SUPT3H: variants seen among roughly 807,000 people sequenced by gnomAD.
The protein encoded by SUPT3H is transcription initiation protein SPT3 homolog.
SUPT3H carries 44 observed loss-of-function variants against 44.3 expected under a neutral mutation model. That is an observed-to-expected ratio of 0.99 (90% CI 0.78 to 1.28). The LOEUF is 1.28. SUPT3H is among the 50% of genes most tolerant of loss of function. SUPT3H has a pLI of 0.00. For missense variants in SUPT3H, 380 were observed against 387.1 expected, an observed-to-expected ratio of 0.98 and a Z score of 0.15; for synonymous variants, 124 against 125.6, an observed-to-expected ratio of 0.99 and a Z score of 0.09.
At chr6:44,993,302 A>G (rs1254423012) in intron 6 of SUPT3H, among the ~76,000 whole-genome samples, 1 of 152,154 alleles carries the variant, frequency 6.6e-6, no homozygotes, top group African/African-American at 2.4e-5. Flanking sequence ...GGTTAAGAAA[A>G]GCATAAAAAG....
chr6:44,872,206 C>G (rs2153430506), intron 10 of SUPT3H, among the ~76,000 whole-genome samples: 1 of 18,594 alleles, frequency 5.4e-5, no homozygotes, highest in Non-Finnish European at 1.2e-4. Context: ...TCAGATTCAC[C>G]AAAGTTGAAA....
chr6:45,057,920 T>G (rs1403322513), intron 3 of SUPT3H, among the ~76,000 whole-genome samples: 1 of 152,036 alleles, frequency 6.6e-6, no homozygotes, highest in Non-Finnish European at 1.5e-5. Context: ...CAAAGGCAGT[T>G]CCAGAGAGAA....
intron 2 of SUPT3H, among the ~76,000 whole-genome samples, chr6:45,272,722 G>A (rs1271826498): frequency 6.6e-6 from 1 of 152,202 alleles, no homozygotes; most frequent in Non-Finnish European, 1.5e-5. Context: ...TCCTGGTGGA[G>A]AAGGATTCTA....
At chr6:44,883,478 T>C (rs765103750) in intron 10 of SUPT3H, among the ~76,000 whole-genome samples, 1 of 152,126 alleles carries the variant, frequency 6.6e-6, no homozygotes, top group Non-Finnish European at 1.5e-5. Flanking sequence ...TTTGATGCTG[T>C]CCCCAATCAA....
intron 2 of SUPT3H, among the ~76,000 whole-genome samples, chr6:45,176,803 A>G (rs2153610534): frequency 6.6e-6 from 1 of 152,322 alleles, no homozygotes. Flanking sequence ...AGGCACCCCC[A>G]GCAGGGGCAG....
intron 10 of SUPT3H, among the ~76,000 whole-genome samples, chr6:44,896,534 G>C (rs1371789322): frequency 2.0e-5 from 3 of 152,080 alleles, no homozygotes; most frequent in Admixed American, 6.6e-5. Context: ...TCAATAATCT[G>C]GTTAGTGATG....
chr6:44,976,722 C>T (rs1778395435), intron 6 of SUPT3H, among the ~76,000 whole-genome samples: 1 of 152,096 alleles, frequency 6.6e-6, no homozygotes, highest in Non-Finnish European at 1.5e-5. Flanking sequence ...TTTTTAAAAA[C>T]AGAAATAATC....
intron 2 of SUPT3H, among the ~76,000 whole-genome samples, chr6:45,265,463 AT>A (rs1227251072): frequency 2.0e-5 from 3 of 152,134 alleles, no homozygotes; most frequent in Non-Finnish European, 4.4e-5. Context: ...TAGGTCTTAA[AT>A]AACTTTCAAA....
At chr6:45,233,921 T>C (rs774110598) in intron 2 of SUPT3H, among the ~76,000 whole-genome samples, 2 of 152,196 alleles carry the variant, frequency 1.3e-5, no homozygotes, top group Non-Finnish European at 2.9e-5. Flanking sequence ...ATGTCCTTTA[T>C]TGGGATAATA....
rs568622275 is a variant in SUPT3H, at chr6:44,850,133, A to G, written c.913-20276T>C. On this transcript the variant is annotated intron_variant, in intron 10 of 10. Coordinates refer to ENST00000371459, the MANE Select transcript of SUPT3H (RefSeq NM_003599.4). ...AGTTAATGGTAGAATAACTTCCAAG[A>G]AAAAGAATCAACAATTTTAAAATGC... Among the ~76,000 whole-genome samples the G allele has an allele frequency of 1.4e-4, 22 of 152,364 alleles. No individual in the cohort carries two copies. In the East Asian group the frequency reaches 4.1e-3, roughly 28 times the overall value.
rs772586078 is a variant in SUPT3H, at chr6:44,953,338, G to A, written c.773C>T (p.Thr258Ile). The A allele has an allele frequency of 1.2e-6, 2 of 1,614,040 alleles. No homozygotes were observed. The highest frequency in any genetic ancestry group is 1.1e-5 in the South Asian group (1 of 91,080). The part of the protein sequence containing the change: ...GDPFSHAISA[T>I]FIQYHNSAES... ...AGCAGAGTTGTGATACTGAATGAAG[G>A]TTGCAGAAATGGCATGGCTGAAGGG... The change falls in exon 9 of 11, where the codon ACC becomes ATC. Residue 258 changes from threonine (T) to isoleucine (I), a missense_variant. Transcript: ENST00000371459.
At chr6:45,253,664 G>A (rs1378840506) in intron 2 of SUPT3H, among the ~76,000 whole-genome samples, 1 of 151,542 alleles carries the variant, frequency 6.6e-6, no homozygotes, top group Admixed American at 6.6e-5. Flanking sequence ...GTGGTCACAC[G>A]TGCCTAGAGT....
At chr6:45,158,102 ATATAT>A (rs1414316783) in intron 2 of SUPT3H, among the ~76,000 whole-genome samples, 3 of 145,792 alleles carry the variant, frequency 2.1e-5, no homozygotes, top group Non-Finnish European at 4.5e-5. Context: ...ATATACTAAT[ATATAT>A]TATATAATTA....
At chr6:45,201,477 T>C (rs1474702986) in intron 2 of SUPT3H, among the ~76,000 whole-genome samples, 2 of 151,768 alleles carry the variant, frequency 1.3e-5, no homozygotes, top group Non-Finnish European at 3.0e-5. Flanking sequence ...TTTTTAAAAA[T>C]AAATTAATAT....
rs745697207 is a variant in SUPT3H, at chr6:45,095,554, T to C, written c.186+10368A>G. ...AGGAGAATTAGCTAAACATGATAAATTGGTTCTGATGTGAAAACTAGTGTA... is the reference window on the plus strand; with the variant it reads ...AGGAGAATTAGCTAAACATGATAAACTGGTTCTGATGTGAAAACTAGTGTA... On this transcript the variant is annotated intron_variant, in intron 3 of 10. Transcript: ENST00000371459. The surrounding 1 kb of genome is among the most constrained non-coding windows in gnomAD (Gnocchi z 4.1). Among the ~76,000 whole-genome samples the C allele has an allele frequency of 6.6e-6, 1 of 152,146 alleles. No individual in the cohort carries two copies. Among genetic ancestry groups the C allele is most frequent in the Non-Finnish European group, 1.5e-5 (1 of 68,000 alleles).
chr6:45,010,111 T>C (rs983861797), intron 5 of SUPT3H, among the ~76,000 whole-genome samples: 2 of 152,152 alleles, frequency 1.3e-5, no homozygotes, highest in African/African-American at 4.8e-5. Flanking sequence ...TAAATGGCAT[T>C]GTTTTCTTAA....
At chr6:44,953,158 A>G (rs1373710592) in intron 9 of SUPT3H, 152 bp downstream of exon 9, 53 of 609,854 alleles carry the variant, frequency 8.7e-5, no homozygotes, top group Non-Finnish European at 1.4e-4. Context: ...TAGGTGCTCA[A>G]TTAAATACTT....
intron 2 of SUPT3H, among the ~76,000 whole-genome samples, chr6:45,153,844 G>T (rs1807344305): frequency 6.6e-6 from 1 of 152,070 alleles, no homozygotes; most frequent in South Asian, 2.1e-4. Flanking sequence ...GAGGCGGGTG[G>T]ATCAGTTAAG....
intron 4 of SUPT3H, among the ~76,000 whole-genome samples, chr6:45,018,028 A>G (rs1230219403): frequency 1.1e-4 from 17 of 151,868 alleles, no homozygotes; most frequent in South Asian, 2.1e-4. Context: ...TCCTTGAGCA[A>G]TGGTTTGTAG....
Sources: allele counts gnomAD v4.1 joint callset (sites outside exome capture counted in the v4.1 genomes callset), GRCh38; gene constraint gnomAD v4.1.1; non-coding constraint Gnocchi (gnomAD v3.1); transcripts MANE v1.5; gene names NCBI Gene and HGNC (gene_info 2026-07-23, HGNC 2026-07-21).